The following RFTN1 variants were observed in gnomAD, a reference collection of about 807,000 sequenced individuals.
RFTN1 encodes raftlin, lipid raft linker 1.
In RFTN1, 26 loss-of-function variants were observed where a neutral mutation model predicts 46.5. The ratio of observed to expected loss-of-function variants is 0.56; its 90% CI spans 0.41 to 0.78. RFTN1 has a LOEUF of 0.78. Ranked by LOEUF, RFTN1 falls within the 30% of genes least tolerant of loss-of-function variation. The probability of loss-of-function intolerance (pLI) is 0.00; values close to 1 mark genes in which losing one functional copy is unlikely to be tolerated. For missense variants in RFTN1, 693 were observed against 718.7 expected (o/e 0.96, Z 0.41); for synonymous variants, 261 against 284.2 (o/e 0.92, Z 0.82).
Position 16,450,499 on chromosome 3 carries a change from C to T in RFTN1, c.146-16462G>A, listed in dbSNP as rs115248822. 4.7e-3 allele frequency among the ~76,000 whole-genome samples: 723 copies of T among 152,296 alleles called. 5 individuals carry two copies. Among genetic ancestry groups the T allele is most frequent in the Non-Finnish European group, 8.6e-3 (588 of 68,020 alleles). On this transcript the variant is annotated intron_variant, in intron 2 of 9. Transcript: ENST00000334133. This position sits in a 1 kb window ranked among gnomAD's most constrained non-coding sequence, Gnocchi z 4.6. ...ATGATGCTGCATGACCTGAAGTCCA[C>T]CAGCATCCTGTTCAGGTTAACATGT... is the stretch of plus-strand genomic sequence containing the variant.
In RFTN1 at chr3:16,460,668, G is replaced by C. The variant is rs1256887072; in HGVS notation, c.146-26631C>G. On this transcript the variant is annotated intron_variant, in intron 2 of 9. Transcript: ENST00000334133. The surrounding 1 kb of genome is among the most constrained non-coding windows in gnomAD (Gnocchi z 4.8). The stretch of plus-strand genomic sequence containing the variant: ...TGAGGGTAGAAATATCATGTAAGAG[G>C]CCTGTTATACAGATAACTAACGCAA... Among the ~76,000 whole-genome samples, 1 of 152,038 alleles carries C rather than the reference G, an allele frequency of 6.6e-6. No homozygotes were observed. The highest frequency in any genetic ancestry group is 1.5e-5 in the Non-Finnish European group (1 of 68,016).
chr3:16,477,423 T>A (rs532781782), intron 2 of RFTN1, among the ~76,000 whole-genome samples: 1 of 152,340 alleles, frequency 6.6e-6, no homozygotes, highest in East Asian at 1.9e-4. Flanking sequence ...TGAGGAGAGC[T>A]AGTATCATTT....
At chr3:16,464,445 G>A (rs2076056385) in intron 2 of RFTN1, among the ~76,000 whole-genome samples, 1 of 152,084 alleles carries the variant, frequency 6.6e-6, no homozygotes, top group African/African-American at 2.4e-5. Context: ...ATTTTATATA[G>A]TTTTTGTTGT....
Position 16,353,622 on chromosome 3 carries a change from CTA to C in RFTN1, c.1146+4308_1146+4309del, listed in dbSNP as rs2072236426. Among the ~76,000 whole-genome samples, 1 of 152,156 alleles carries C rather than the reference CTA, an allele frequency of 6.6e-6. No individual in the cohort carries two copies. The highest frequency in any genetic ancestry group is 2.1e-4 in the South Asian group (1 of 4,826). On this transcript the variant is annotated intron_variant, in intron 7 of 9. Transcript: ENST00000334133. This position sits in a 1 kb window ranked among gnomAD's most constrained non-coding sequence, Gnocchi z 5.4. ...AATGCGTATGTTGAGGCTCCAAGCC[CTA>C]GTTTGGCTGTATTTGGAGATGGGGC...
chr3:16,487,886 T>C (rs1400689790), intron 2 of RFTN1, among the ~76,000 whole-genome samples: 1 of 152,162 alleles, frequency 6.6e-6, no homozygotes, highest in Non-Finnish European at 1.5e-5. Context: ...AAAGGGCAGG[T>C]TCATCCCTCG....
Position 16,336,811 on chromosome 3 carries a change from A to G in RFTN1, c.1147-9935T>C, listed in dbSNP as rs2070897001. On this transcript the variant is annotated intron_variant, in intron 7 of 9. Transcript: ENST00000334133. The surrounding 1 kb of genome is among the most constrained non-coding windows in gnomAD (Gnocchi z 6.0). ...CTTTGTCTCATTTTCTCTACCAGGT[A>G]AGAAAGGCAGCAAACTCAGTAGCCT... Among the ~76,000 whole-genome samples the G allele has an allele frequency of 6.6e-6, 1 of 152,214 alleles. No individual in the cohort carries two copies. The highest frequency in any genetic ancestry group is 1.5e-5 in the Non-Finnish European group (1 of 68,034).
rs1472328846 is a variant in RFTN1 at position 16,512,438 on chromosome 3, C to CTTGT, written c.-9+1000_-9+1003dup. Among the ~76,000 whole-genome samples the CTTGT allele has an allele frequency of 8.0e-6, 1 of 124,710 alleles. No individual in the cohort carries two copies. Among genetic ancestry groups the CTTGT allele is most frequent in the Admixed American group, 8.3e-5 (1 of 12,048 alleles). The allele number at this position is 124,710 out of a possible 152,430, so 81.8% of individuals were successfully genotyped here. A position where few individuals can be genotyped will look rare whatever the true frequency, so the allele number is the denominator to read the frequency against. On this transcript the variant is annotated intron_variant, in intron 1 of 9. Coordinates refer to ENST00000334133, the MANE Select transcript of RFTN1 (RefSeq NM_015150.2). This position sits in a 1 kb window ranked among gnomAD's most constrained non-coding sequence, Gnocchi z 4.3. The stretch of plus-strand genomic sequence containing the variant: ...AGACTTTTTTTTTAAAAAAGTACTT[C>CTTGT]TTGTTTGTTTGTTTTAAGCCCCCGA...
At chr3:16,492,662 C>A (rs1334401025) in intron 2 of RFTN1, among the ~76,000 whole-genome samples, 1 of 152,212 alleles carries the variant, frequency 6.6e-6, no homozygotes, top group African/African-American at 2.4e-5. Flanking sequence ...CCAGTTTTTG[C>A]TCTCAAACTC....
rs1365822058 is a variant in RFTN1 at position 16,370,666 on chromosome 3, G to A, written c.827-387C>T. On this transcript the variant is annotated intron_variant, in intron 5 of 9. Coordinates refer to ENST00000334133, the MANE Select transcript of RFTN1 (RefSeq NM_015150.2). The surrounding 1 kb of genome is among the most constrained non-coding windows in gnomAD (Gnocchi z 5.5). The stretch of plus-strand genomic sequence containing the variant: ...CATACTTGGGTGAGAATGGTCTTTG[G>A]AAAACTAAATGTACAGAGACACATA... Among the ~76,000 whole-genome samples the A allele has an allele frequency of 6.6e-6, 1 of 152,166 alleles. No individual in the cohort carries two copies. The highest frequency in any genetic ancestry group is 2.4e-5 in the African/African-American group (1 of 41,426).
chr3:16,477,050 AT>A (rs2076293506), intron 2 of RFTN1, among the ~76,000 whole-genome samples: 1 of 152,234 alleles, frequency 6.6e-6, no homozygotes, highest in African/African-American at 2.4e-5. Context: ...GCTGAAACAA[AT>A]TTTTGGTCAC....
At chr3:16,415,430 TACACACACACACACAC>T (rs1553589390) in intron 3 of RFTN1, among the ~76,000 whole-genome samples, 8 of 114,276 alleles carry the variant, frequency 7.0e-5, no homozygotes, top group Non-Finnish European at 1.2e-4. Flanking sequence ...TATATATATA[TACACACACACACACAC>T]ATATATACTT....
At position 16,429,986 on chromosome 3, in the gene RFTN1, A is replaced by G. The variant is rs1047391642; in HGVS notation, c.332+3865T>C. Among the ~76,000 whole-genome samples, 1 of 152,246 alleles carries G rather than the reference A, an allele frequency of 6.6e-6. No homozygotes were observed. The highest frequency in any genetic ancestry group is 6.5e-5 in the Admixed American group (1 of 15,282). On this transcript the variant is annotated intron_variant, in intron 3 of 9. Coordinates refer to ENST00000334133, the MANE Select transcript of RFTN1 (RefSeq NM_015150.2). The surrounding 1 kb of genome is among the most constrained non-coding windows in gnomAD (Gnocchi z 6.4). The stretch of plus-strand genomic sequence containing the variant: ...TTTAACAGCATCTATAACTGTCAGA[A>G]CTTTGGCAGACTTTGTGAAAAGTAT...
At chr3:16,395,119 A>G (rs979475213) in intron 4 of RFTN1, among the ~76,000 whole-genome samples, 1 of 152,266 alleles carries the variant, frequency 6.6e-6, no homozygotes, top group African/African-American at 2.4e-5. Flanking sequence ...GTGCAATTAA[A>G]TTATTATAAG....
At position 16,489,978 on chromosome 3, in the gene RFTN1, G is replaced by GTAGC. The variant is rs2076513900; in HGVS notation, c.145+3743_145+3746dup. On this transcript the variant is annotated intron_variant, in intron 2 of 9. Coordinates refer to ENST00000334133, the MANE Select transcript of RFTN1 (RefSeq NM_015150.2). The surrounding 1 kb of genome is among the most constrained non-coding windows in gnomAD (Gnocchi z 4.0). The stretch of plus-strand genomic sequence containing the variant: ...GTCCTATCACAGGACTGGGCACATA[G>GTAGC]TAGCACTCAACAAACGTCAGCTCCA... Among the ~76,000 whole-genome samples the GTAGC allele has an allele frequency of 6.6e-6, 1 of 152,170 alleles. No individual in the cohort carries two copies. The highest frequency in any genetic ancestry group is 6.5e-5 in the Admixed American group (1 of 15,276).
chr3:16,438,622 G>GACAGGTTTCT (rs2075562436), intron 2 of RFTN1, among the ~76,000 whole-genome samples: 1 of 101,014 alleles, frequency 9.9e-6, no homozygotes, highest in South Asian at 3.6e-4. Flanking sequence ...AAAAAAAGAA[G>GACAGGTTTCT]ACAGGTTTCT....
chr3:16,401,801 C>G (rs1559325056), intron 4 of RFTN1, among the ~76,000 whole-genome samples: 1 of 152,232 alleles, frequency 6.6e-6, no homozygotes. Flanking sequence ...CTTAACTTCT[C>G]TAAAACAAAG....
chr3:16,398,171 C>T (rs1179373206), intron 4 of RFTN1, among the ~76,000 whole-genome samples: 2 of 145,580 alleles, frequency 1.4e-5, no homozygotes, highest in Admixed American at 7.4e-5. Flanking sequence ...GGCTTGAACC[C>T]GGGAGGTGGA....
intron 3 of RFTN1, among the ~76,000 whole-genome samples, chr3:16,430,544 T>C (rs2075365547): frequency 6.6e-6 from 1 of 152,204 alleles, no homozygotes; most frequent in Non-Finnish European, 1.5e-5. Flanking sequence ...AATGACTGCT[T>C]CCAACCTCCA....
chr3:16,398,914 T>C (rs1288962242), intron 4 of RFTN1, among the ~76,000 whole-genome samples: 1 of 152,210 alleles, frequency 6.6e-6, no homozygotes, highest in Non-Finnish European at 1.5e-5. Context: ...AGAATAGTTT[T>C]ACTTCCTTGG....
Sources: gnomAD v4.1 joint callset for allele counts (sites outside exome capture counted in the v4.1 genomes callset) on GRCh38, gnomAD v4.1.1 for gene constraint, Gnocchi (gnomAD v3.1) non-coding constraint, MANE v1.5 for transcripts, NCBI Gene and HGNC (gene_info 2026-07-23, HGNC 2026-07-21) for gene names.